Variants in CERKL observed in about 807,000 individuals in gnomAD.
The protein encoded by CERKL is CERK like autophagy regulator.
A neutral mutation model predicts 63.4 loss-of-function variants in CERKL; 61 were observed. That is an observed-to-expected ratio of 0.96 (90% confidence interval 0.78 to 1.19). The LOEUF is 1.19. CERKL is among the 50% of genes most tolerant of loss of function. The pLI, the probability that CERKL is intolerant of heterozygous loss-of-function variation, is 0.00. For missense variants in CERKL, 675 were observed against 655.5 expected (o/e 1.03, Z -0.33); for synonymous variants, 250 against 230.5 (o/e 1.08, Z -0.77).
chr2:181,599,451 C>T (rs1559097821), intron 2 of CERKL, among the ~76,000 whole-genome samples: 3 of 151,826 alleles, frequency 2.0e-5, no homozygotes, highest in Admixed American at 6.6e-5. Flanking sequence ...GCAGGAGAAT[C>T]GCTTGAACCC....
At chr2:181,602,250 G>C (rs868196023) in intron 2 of CERKL, among the ~76,000 whole-genome samples, 1 of 152,142 alleles carries the variant, frequency 6.6e-6, no homozygotes, top group Non-Finnish European at 1.5e-5. Flanking sequence ...GAGTTCCTCA[G>C]ACCTTAAGCG....
chr2:181,617,096 A>C (rs898613807), intron 1 of CERKL, among the ~76,000 whole-genome samples: 23 of 152,242 alleles, frequency 1.5e-4, no homozygotes, highest in African/African-American at 4.8e-4. Context: ...AATTTTACTA[A>C]TAATTGCTGC....
intron 2 of CERKL, among the ~76,000 whole-genome samples, chr2:181,602,241 A>G (rs1459042551): frequency 6.6e-6 from 1 of 152,180 alleles, no homozygotes; most frequent in Non-Finnish European, 1.5e-5. Flanking sequence ...ATGGGAGAAG[A>G]GTTCCTCAGA....
chr2:181,643,644 T>C (rs985246255), intron 1 of CERKL, among the ~76,000 whole-genome samples: 22 of 152,220 alleles, frequency 1.4e-4, no homozygotes, highest in African/African-American at 5.1e-4. Context: ...ATAGTATCTG[T>C]CAATCCCTAA....
At chr2:181,572,200 C>T (rs2105843688) in intron 3 of CERKL, among the ~76,000 whole-genome samples, 1 of 152,122 alleles carries the variant, frequency 6.6e-6, no homozygotes, top group African/African-American at 2.4e-5. Context: ...TTAAAAACTG[C>T]CTAGTTCAAA....
rs1687933446 is a variant in CERKL, at chr2:181,550,405, G to A, written c.821-697C>T. On this transcript the variant is annotated intron_variant, in intron 5 of 12. Coordinates refer to ENST00000410087, the MANE Select transcript of CERKL (RefSeq NM_201548.5). The surrounding 1 kb of genome is among the most constrained non-coding windows in gnomAD (Gnocchi z 4.5). Reference sequence around the variant, plus strand: ...TCCACAGAGGCAAAGAGCGCCCTAAGTCAGGCCCCTTTAATGTTTATGTGT... The same window carrying A: ...TCCACAGAGGCAAAGAGCGCCCTAAATCAGGCCCCTTTAATGTTTATGTGT... Among the ~76,000 whole-genome samples, 1 of 152,164 alleles carries A rather than the reference G, an allele frequency of 6.6e-6. No homozygotes were observed. Among genetic ancestry groups the A allele is most frequent in the Admixed American group, 6.6e-5 (1 of 15,252 alleles).
intron 1 of CERKL, among the ~76,000 whole-genome samples, chr2:181,604,393 TTCA>T (rs1685590916): frequency 6.6e-6 from 1 of 152,066 alleles, no homozygotes; most frequent in African/African-American, 2.4e-5. Flanking sequence ...ACCAAAAAAA[TTCA>T]TCATTTGTAA....
chr2:181,642,222 TAG>T (rs1178452090), intron 1 of CERKL, among the ~76,000 whole-genome samples: 1 of 152,182 alleles, frequency 6.6e-6, no homozygotes, highest in East Asian at 1.9e-4. Context: ...ACATGAGTAA[TAG>T]GTCATATTGG....
intron 2 of CERKL, among the ~76,000 whole-genome samples, chr2:181,582,294 T>G (rs948265356): frequency 5.9e-5 from 9 of 152,046 alleles, no homozygotes; most frequent in African/African-American, 2.2e-4. Context: ...CTAAACTAGG[T>G]TCCTTTTATT....
In CERKL at chr2:181,547,881, C is replaced by T. The variant is rs753753048; in HGVS notation, c.1134-34G>A. 5.9e-6 allele frequency: 9 copies of T among 1,524,954 alleles called. No individual in the cohort carries two copies. The South Asian group carries it at 8.0e-5, about 14-fold the overall frequency. The allele number at this position is 1,524,954 out of a possible 1,614,324, so 94.5% of individuals were successfully genotyped here. On this transcript the variant is annotated intron_variant, in intron 8 of 12. Coordinates refer to ENST00000410087, the MANE Select transcript of CERKL (RefSeq NM_201548.5). ...AAGAAAACAAAACAAAGACATAAAA[C>T]AGATAACGCGCGCACAGACACACAG... is the stretch of plus-strand genomic sequence containing the variant.
At chr2:181,571,718 T>C (rs1391630517) in intron 3 of CERKL, among the ~76,000 whole-genome samples, 1 of 152,078 alleles carries the variant, frequency 6.6e-6, no homozygotes, top group African/African-American at 2.4e-5. Context: ...TGCCCTTTCT[T>C]CTCCCTAACA....
intron 5 of CERKL, among the ~76,000 whole-genome samples, chr2:181,553,388 T>A (rs1456274261): frequency 1.3e-5 from 2 of 152,160 alleles, no homozygotes; most frequent in Admixed American, 1.3e-4. Context: ...TATCGATGGA[T>A]TACAGTACTC....
chr2:181,631,539 C>A (rs1686956589), intron 1 of CERKL, among the ~76,000 whole-genome samples: 1 of 152,036 alleles, frequency 6.6e-6, no homozygotes, highest in African/African-American at 2.4e-5. Context: ...GCTTTTTGCA[C>A]CTTACACCCC....
At chr2:181,544,954 G>GT (rs1687658660) in intron 10 of CERKL, among the ~76,000 whole-genome samples, 158 bp from the exon 11 acceptor site, 1 of 152,050 alleles carries the variant, frequency 6.6e-6, no homozygotes, top group African/African-American at 2.4e-5. Context: ...TTCATAAACC[G>GT]TATCTTGCTA....
In CERKL at chr2:181,565,183, C is replaced by T. The variant is rs369340648; in HGVS notation, c.677+875G>A. Among the ~76,000 whole-genome samples, 44 of 152,272 alleles carry T rather than the reference C, an allele frequency of 2.9e-4. 1 individual carries two copies. The South Asian group carries it at 8.9e-3, about 31-fold the overall frequency. On this transcript the variant is annotated intron_variant, in intron 4 of 12. Transcript: ENST00000410087. ...AAATCAGTCTTTGGGAAGGTTAATG[C>T]CTTTCACTTTGGTGAAAGTACAGAC...
chr2:181,543,373 T>C (rs568267051), intron 11 of CERKL, among the ~76,000 whole-genome samples: 2 of 152,328 alleles, frequency 1.3e-5, no homozygotes, highest in South Asian at 2.1e-4. Context: ...AAAACTGTTA[T>C]GTAGGCTCAC....
chr2:181,552,904 C>A (rs1249057270), intron 5 of CERKL, among the ~76,000 whole-genome samples: 1 of 152,088 alleles, frequency 6.6e-6, no homozygotes, highest in Admixed American at 6.5e-5. Flanking sequence ...CTCTCAGGCC[C>A]CATTCCAGAC....
At chr2:181,547,043 G>A (rs1389765463) in intron 10 of CERKL, among the ~76,000 whole-genome samples, 2 of 152,048 alleles carry the variant, frequency 1.3e-5, no homozygotes, top group Non-Finnish European at 2.9e-5. Flanking sequence ...TTAAAAATAG[G>A]AGTTTCCCTG....
At chr2:181,546,013 G>A (rs1377467364) in intron 10 of CERKL, among the ~76,000 whole-genome samples, 2 of 152,078 alleles carry the variant, frequency 1.3e-5, no homozygotes, top group Non-Finnish European at 2.9e-5. Flanking sequence ...GGGGGAAAAA[G>A]AAGAAAGTGA....
Sources: gnomAD v4.1 joint callset for allele counts (sites outside exome capture counted in the v4.1 genomes callset) on GRCh38, gnomAD v4.1.1 for gene constraint, Gnocchi (gnomAD v3.1) non-coding constraint, MANE v1.5 for transcripts, NCBI Gene and HGNC (gene_info 2026-07-23, HGNC 2026-07-21) for gene names.